GABRB2: variants seen among roughly 807,000 people sequenced by gnomAD.
The protein encoded by GABRB2 is gamma-aminobutyric acid receptor subunit beta-2.
A neutral mutation model predicts 54.7 loss-of-function variants in GABRB2; 16 were observed. The ratio of observed to expected loss-of-function variants is 0.29; its 90% CI spans 0.20 to 0.44. The LOEUF is 0.44. GABRB2 is among the 20% of genes least tolerant of loss of function. The pLI is 1.00. For synonymous variants in GABRB2, 244 were observed against 233.8 expected (o/e 1.04, Z -0.40); for missense variants, 355 against 644.0 (o/e 0.55, Z 4.86).
At chr5:161,333,145 G>T (rs1342763580) in intron 7 of GABRB2, among the ~76,000 whole-genome samples, 1 of 152,066 alleles carries the variant, frequency 6.6e-6, no homozygotes, top group African/African-American at 2.4e-5. Context: ...AAAAGTTAAT[G>T]AATTATTTAT....
At chr5:161,469,353 CA>C (rs1758369789) in intron 3 of GABRB2, among the ~76,000 whole-genome samples, 1 of 151,766 alleles carries the variant, frequency 6.6e-6, no homozygotes, top group African/African-American at 2.4e-5. Context: ...TTGTTATTAA[CA>C]AAGCATAAAT....
At chr5:161,536,478 C>T (rs1013803006) in intron 3 of GABRB2, among the ~76,000 whole-genome samples, 1 of 152,288 alleles carries the variant, frequency 6.6e-6, no homozygotes, top group South Asian at 2.1e-4. Context: ...TTTTAACCTC[C>T]TCTGATTTCA....
At chr5:161,473,402 G>A (rs940506993) in intron 3 of GABRB2, among the ~76,000 whole-genome samples, 10 of 152,058 alleles carry the variant, frequency 6.6e-5, no homozygotes, top group African/African-American at 9.6e-5. Context: ...GGCAGGTTCC[G>A]TGAATATAAA....
At chr5:161,535,171 C>A (rs955198175) in intron 3 of GABRB2, among the ~76,000 whole-genome samples, 14 of 152,076 alleles carry the variant, frequency 9.2e-5, no homozygotes, top group African/African-American at 3.4e-4. Context: ...ATCTTCAACT[C>A]CTCAATGTTT....
intron 4 of GABRB2, among the ~76,000 whole-genome samples, chr5:161,431,523 C>A (rs1041990477): frequency 6.6e-6 from 1 of 152,130 alleles, no homozygotes; most frequent in African/African-American, 2.4e-5. Context: ...ACATAACTGG[C>A]AAGAATGCTC....
chr5:161,400,955 TA>T (rs1291618759), intron 5 of GABRB2, among the ~76,000 whole-genome samples: 33 of 152,088 alleles, frequency 2.2e-4, no homozygotes, highest in Admixed American at 1.3e-3. Context: ...AAAAATGTAA[TA>T]GGGGGTGTAG....
intron 4 of GABRB2, among the ~76,000 whole-genome samples, chr5:161,439,716 G>A (rs1757409290): frequency 6.6e-6 from 1 of 151,940 alleles, no homozygotes; most frequent in African/African-American, 2.4e-5. Flanking sequence ...CTGCTTGTAT[G>A]CTTACGCAAA....
At chr5:161,328,607 T>G (rs1753732285) in intron 8 of GABRB2, among the ~76,000 whole-genome samples, 1 of 152,180 alleles carries the variant, frequency 6.6e-6, no homozygotes. Context: ...CCATGACTCA[T>G]GATGTCTTGA....
intron 9 of GABRB2, among the ~76,000 whole-genome samples, chr5:161,310,357 C>T (rs569841518): frequency 6.6e-6 from 1 of 152,252 alleles, no homozygotes; most frequent in Admixed American, 6.5e-5. Flanking sequence ...TTTCTTGAAG[C>T]CTTTGTATAA....
chr5:161,351,078 G>A (rs1036607374), intron 5 of GABRB2, among the ~76,000 whole-genome samples: 2 of 152,036 alleles, frequency 1.3e-5, no homozygotes, highest in African/African-American at 4.8e-5. Flanking sequence ...TGTCCCTTTA[G>A]AGAATACACA....
chr5:161,541,609 C>A (rs1225366626), intron 3 of GABRB2, among the ~76,000 whole-genome samples: 1 of 152,216 alleles, frequency 6.6e-6, no homozygotes, highest in African/African-American at 2.4e-5. Flanking sequence ...CAGCTTGTTT[C>A]CATAAACATC....
chr5:161,310,586 C>CA, intron 9 of GABRB2, among the ~76,000 whole-genome samples: 1 of 152,286 alleles, frequency 6.6e-6, no homozygotes, highest in East Asian at 1.9e-4. Flanking sequence ...ATCACAAACT[C>CA]AAAATTGCAA....
chr5:161,380,825 C>A (rs1168244967), intron 5 of GABRB2, among the ~76,000 whole-genome samples: 1 of 151,316 alleles, frequency 6.6e-6, no homozygotes, highest in African/African-American at 2.4e-5. Flanking sequence ...ATTGGTACAC[C>A]ACAATCTTGA....
intron 5 of GABRB2, among the ~76,000 whole-genome samples, chr5:161,364,786 G>A: frequency 6.6e-6 from 1 of 151,988 alleles, no homozygotes; most frequent in South Asian, 2.1e-4. Flanking sequence ...CCATAAGCCA[G>A]GTTTCTTACA....
chr5:161,427,684 T>TAA (rs1757043092), intron 4 of GABRB2, among the ~76,000 whole-genome samples: 1 of 152,182 alleles, frequency 6.6e-6, no homozygotes, highest in South Asian at 2.1e-4. Flanking sequence ...ATTACATAAC[T>TAA]AAAGAGTGCT....
chr5:161,493,175 A>G (rs531150581), intron 3 of GABRB2, among the ~76,000 whole-genome samples: 2 of 151,876 alleles, frequency 1.3e-5, no homozygotes, highest in East Asian at 1.9e-4. Context: ...ATGTCTTCCA[A>G]AAATAAGGTG....
At chr5:161,381,423 C>T (rs1411955568) in intron 5 of GABRB2, among the ~76,000 whole-genome samples, 2 of 152,088 alleles carry the variant, frequency 1.3e-5, no homozygotes, top group Non-Finnish European at 2.9e-5. Flanking sequence ...AACTTGTGCC[C>T]TCCTTGGCAC....
Position 161,459,792 on chromosome 5 carries a change from G to A in GABRB2, c.290C>T (p.Ser97Phe). ...CAAGTTTAAAGGTATTACATTATAGGACAGCCTCTTATCTCTCCAGGCTTG... is the reference window on the plus strand; with the variant it reads ...CAAGTTTAAAGGTATTACATTATAGAACAGCCTCTTATCTCTCCAGGCTTG... ...FQQAWRDKRLSYNVIPLNLTL... is the reference protein window; with the variant it reads ...FQQAWRDKRLFYNVIPLNLTL... Residue 97 changes from serine to phenylalanine, a missense_variant, in exon 4 of 10, where the codon TCC (serine) becomes TTC (phenylalanine). By Grantham distance (155) the Ser-to-Phe change is radical. Coordinates refer to ENST00000393959, the MANE Select transcript of GABRB2 (RefSeq NM_001371727.1). 6.2e-7 allele frequency: 1 copy of A among 1,613,726 alleles called. No homozygotes were observed. Among genetic ancestry groups the A allele is most frequent in the Non-Finnish European group, 8.5e-7 (1 of 1,179,850 alleles).
intron 4 of GABRB2, among the ~76,000 whole-genome samples, chr5:161,454,032 CA>C (rs202218457): frequency 0.14 from 13,353 of 96,606 alleles, 729 homozygotes; most frequent in African/African-American, 0.25. Context: ...AGTGAGATTC[CA>C]AAAAAAAAAA....
Sources: gnomAD v4.1 joint callset for allele counts (sites outside exome capture counted in the v4.1 genomes callset) on GRCh38, gnomAD v4.1.1 for gene constraint, MANE v1.5 for transcripts, NCBI Gene and HGNC (gene_info 2026-07-23, HGNC 2026-07-21) for gene names.